NRXN1: variants seen among roughly 807,000 people sequenced by gnomAD.
NRXN1 encodes neurexin-1.
Under a neutral mutation model 150.9 loss-of-function variants are expected in NRXN1, and 39 were observed. The observed-to-expected ratio is 0.26, with a 90% CI of 0.20 to 0.34. The LOEUF (loss-of-function observed/expected upper bound fraction) is 0.34. NRXN1 is among the 10% of genes least tolerant of loss of function. The pLI is 1.00. For missense variants in NRXN1, 1,815 were observed against 1,949.9 expected (o/e 0.93, Z 1.30); for synonymous variants, 924 against 757.0 (o/e 1.22, Z -3.62).
intron 2 of NRXN1, 73 bp from the exon 3 acceptor site, chr2:50,926,028 T>G: frequency 8.4e-7 from 1 of 1,184,916 alleles, no homozygotes; most frequent in South Asian, 1.3e-5. Context: ...GGACCTTGCC[T>G]TTGCATGTCT....
At chr2:50,279,344 A>C (rs1181736282) in intron 17 of NRXN1, among the ~76,000 whole-genome samples, 1 of 152,196 alleles carries the variant, frequency 6.6e-6, no homozygotes, top group Non-Finnish European at 1.5e-5. Context: ...AAAATGCATC[A>C]CTATAATGTG....
chr2:50,522,358 G>T (rs925359271), intron 12 of NRXN1, among the ~76,000 whole-genome samples: 1 of 152,178 alleles, frequency 6.6e-6, no homozygotes, highest in African/African-American at 2.4e-5. Context: ...AAGAGAATTT[G>T]ATCAATTTGG....
intron 18 of NRXN1, among the ~76,000 whole-genome samples, chr2:50,212,828 C>A (rs17462099): frequency 0.057 from 8,587 of 151,896 alleles, 292 homozygotes; most frequent in Middle Eastern, 0.11. Flanking sequence ...AAATGCAAGA[C>A]AAATGTGAAC....
rs571168670 is a variant in NRXN1, at chr2:50,626,144, A to T, written c.833-2529T>A. Among the ~76,000 whole-genome samples, 10 of 152,120 alleles carry T rather than the reference A, an allele frequency of 6.6e-5. No individual in the cohort carries two copies. The East Asian group carries it at 1.9e-3, about 29-fold the overall frequency. The stretch of plus-strand genomic sequence containing the variant: ...AACACTAAAATAATCTACAGAAATT[A>T]TTTGGCTTAATAAGAGACTTTGGAA... On this transcript the variant is annotated intron_variant, in intron 5 of 22. Coordinates refer to ENST00000401669, the MANE Select transcript of NRXN1 (RefSeq NM_001330078.2).
chr2:49,979,737 T>TA (rs1233914057), intron 21 of NRXN1, among the ~76,000 whole-genome samples: 1 of 152,178 alleles, frequency 6.6e-6, no homozygotes, highest in African/African-American at 2.4e-5. Context: ...CTTAGTTTTT[T>TA]ATTATTTTTC....
intron 2 of NRXN1, among the ~76,000 whole-genome samples, chr2:51,021,076 C>CCT (rs1669526926): frequency 6.6e-6 from 1 of 151,828 alleles, no homozygotes. Flanking sequence ...AGAAAAGGAA[C>CCT]TGGGCCACAA....
chr2:50,182,382 G>A (rs943882508), intron 18 of NRXN1, among the ~76,000 whole-genome samples: 19 of 151,964 alleles, frequency 1.3e-4, no homozygotes, highest in Non-Finnish European at 1.2e-4. Context: ...AGTGTCTGCG[G>A]GTGTTGGTAA....
At chr2:50,054,918 T>G in intron 20 of NRXN1, 37 bp downstream of exon 20, 1 of 1,352,896 alleles carries the variant, frequency 7.4e-7, no homozygotes, top group South Asian at 1.4e-5. Context: ...ATGTTCAAAT[T>G]ATTTTTTTAT....
intron 8 of NRXN1, among the ~76,000 whole-genome samples, chr2:50,564,180 C>T (rs1029940163): frequency 1.3e-5 from 2 of 152,278 alleles, no homozygotes; most frequent in South Asian, 2.1e-4. Context: ...TAATTTCCCT[C>T]TTTATCAAAT....
chr2:50,775,974 G>C (rs975756574), intron 5 of NRXN1, among the ~76,000 whole-genome samples: 5 of 152,012 alleles, frequency 3.3e-5, no homozygotes, highest in African/African-American at 1.2e-4. Context: ...CACAGTCTCC[G>C]ACCTCTAGAT....
intron 21 of NRXN1, among the ~76,000 whole-genome samples, chr2:49,955,313 T>C (rs531405093): frequency 1.3e-5 from 2 of 152,256 alleles, no homozygotes; most frequent in South Asian, 4.1e-4. Context: ...AAAATAACAC[T>C]TTTTCAAAGA....
intron 18 of NRXN1, among the ~76,000 whole-genome samples, chr2:50,215,330 T>A (rs1044466904): frequency 6.6e-6 from 1 of 152,034 alleles, no homozygotes; most frequent in Non-Finnish European, 1.5e-5. Context: ...AAAGGCCTAT[T>A]ATAAATAAAT....
intron 18 of NRXN1, among the ~76,000 whole-genome samples, chr2:50,146,099 C>A (rs909150292): frequency 6.6e-6 from 1 of 151,592 alleles, no homozygotes; most frequent in Non-Finnish European, 1.5e-5. Context: ...AAACCTAGCT[C>A]TTTAAGTGTG....
intron 2 of NRXN1, among the ~76,000 whole-genome samples, chr2:50,949,207 A>C (rs1407466912): frequency 6.6e-6 from 1 of 152,082 alleles, no homozygotes; most frequent in Middle Eastern, 3.2e-3. Flanking sequence ...TCTCCATAAT[A>C]ACATGTGGGG....
chr2:50,784,561 G>A (rs974737482), intron 5 of NRXN1, among the ~76,000 whole-genome samples: 2 of 152,042 alleles, frequency 1.3e-5, no homozygotes, highest in Non-Finnish European at 2.9e-5. Context: ...TAGAGTTAAG[G>A]CTCGACAGAT....
intron 18 of NRXN1, among the ~76,000 whole-genome samples, chr2:50,208,732 T>C (rs1320846235): frequency 6.6e-6 from 1 of 152,020 alleles, no homozygotes; most frequent in Non-Finnish European, 1.5e-5. Context: ...AAGCAAAAGC[T>C]CATCCCATTT....
intron 18 of NRXN1, among the ~76,000 whole-genome samples, chr2:50,232,589 G>A: frequency 6.6e-6 from 1 of 151,640 alleles, no homozygotes. Flanking sequence ...GTTTCACCTT[G>A]TTGGCTAGCA....
Position 49,929,590 on chromosome 2 carries a change from A to G in NRXN1, c.4217-7339T>C, listed in dbSNP as rs145501837. On this transcript the variant is annotated intron_variant, in intron 22 of 22. Coordinates refer to ENST00000401669, the MANE Select transcript of NRXN1 (RefSeq NM_001330078.2). ...CAAAGGAAGTTAGAGCCATAATATTATTGCTGTCCCCAACTCCTCACATAC... is the reference window on the plus strand; with the variant it reads ...CAAAGGAAGTTAGAGCCATAATATTGTTGCTGTCCCCAACTCCTCACATAC... Among the ~76,000 whole-genome samples the G allele has an allele frequency of 7.3e-3, 1,115 of 152,216 alleles. 11 individuals carry two copies. Among genetic ancestry groups the G allele is most frequent in the South Asian group, 0.03 (144 of 4,828 alleles).
At chr2:50,640,609 C>T (rs749688013) in intron 5 of NRXN1, among the ~76,000 whole-genome samples, 17 of 152,124 alleles carry the variant, frequency 1.1e-4, no homozygotes, top group Non-Finnish European at 2.4e-4. Flanking sequence ...TAAAACCACA[C>T]AAATGAATAT....
Sources: allele counts gnomAD v4.1 joint callset (sites outside exome capture counted in the v4.1 genomes callset), GRCh38; gene constraint gnomAD v4.1.1; transcripts MANE v1.5; gene names NCBI Gene and HGNC (gene_info 2026-07-23, HGNC 2026-07-21).